USH2A: variants seen among roughly 807,000 people sequenced by gnomAD.
USH2A encodes the protein Usher syndrome 2A (autosomal recessive, mild).
USH2A carries 443 observed loss-of-function variants against 538.9 expected under a neutral mutation model. The ratio of observed to expected loss-of-function variants is 0.82; its 90% CI spans 0.76 to 0.89. The LOEUF (loss-of-function observed/expected upper bound fraction) is 0.89. USH2A is among the 40% of genes least tolerant of loss of function. The pLI is 0.00. For missense variants in USH2A, 6,633 were observed against 6,324.8 expected (o/e 1.05, Z -1.65); for synonymous variants, 2,413 against 2,273.5 (o/e 1.06, Z -1.75).
At chr1:215,671,496 C>A (rs887447500) in intron 63 of USH2A, among the ~76,000 whole-genome samples, 3 of 152,050 alleles carry the variant, frequency 2.0e-5, no homozygotes, top group African/African-American at 7.2e-5. Flanking sequence ...CCACTGCACT[C>A]CCGCCTGGGT....
intron 21 of USH2A, among the ~76,000 whole-genome samples, chr1:216,153,177 CT>C (rs1434121709): frequency 6.6e-6 from 1 of 152,172 alleles, no homozygotes; most frequent in Non-Finnish European, 1.5e-5. Flanking sequence ...TAACCTGATT[CT>C]TCTTGGACAC....
At chr1:215,914,301 C>A (rs1161248167) in intron 38 of USH2A, among the ~76,000 whole-genome samples, 2 of 151,754 alleles carry the variant, frequency 1.3e-5, no homozygotes, top group Non-Finnish European at 2.9e-5. Flanking sequence ...TTAAAAAGTT[C>A]TTTTTTGTTG....
chr1:215,749,358 G>A (rs1660562859), intron 58 of USH2A, among the ~76,000 whole-genome samples: 1 of 152,134 alleles, frequency 6.6e-6, no homozygotes, highest in African/African-American at 2.4e-5. Flanking sequence ...GCCAAACCAT[G>A]AGCATAGAAA....
chr1:215,881,865 A>C (rs1664919630), intron 41 of USH2A, among the ~76,000 whole-genome samples: 1 of 152,192 alleles, frequency 6.6e-6, no homozygotes, highest in African/African-American at 2.4e-5. Flanking sequence ...TAGGACGGCT[A>C]AATTGCCGGT....
chr1:215,783,053 G>T (rs557765773), intron 52 of USH2A, 118 bp from the exon 53 acceptor site: 7 of 863,398 alleles, frequency 8.1e-6, no homozygotes, highest in Non-Finnish European at 1.0e-5. Context: ...TGCTCTAAAC[G>T]CTTTGTATAT....
chr1:216,213,031 A>G (rs1331865084), intron 15 of USH2A, among the ~76,000 whole-genome samples: 1 of 152,134 alleles, frequency 6.6e-6, no homozygotes, highest in Non-Finnish European at 1.5e-5. Flanking sequence ...TTGCGCAATT[A>G]TACTATAGGT....
chr1:216,141,019 A>G (rs1571993927), intron 21 of USH2A, among the ~76,000 whole-genome samples: 4 of 152,168 alleles, frequency 2.6e-5, no homozygotes, highest in African/African-American at 9.7e-5. Context: ...ACTTCTTTGC[A>G]TTTTAAACTT....
chr1:215,864,758 A>G (rs1664427199), intron 44 of USH2A, among the ~76,000 whole-genome samples: 1 of 152,194 alleles, frequency 6.6e-6, no homozygotes, highest in Non-Finnish European at 1.5e-5. Flanking sequence ...AATGAACTGA[A>G]GTAACACAGG....
chr1:215,683,904 C>T (rs1168036471), intron 61 of USH2A, among the ~76,000 whole-genome samples: 1 of 152,150 alleles, frequency 6.6e-6, no homozygotes, highest in Middle Eastern at 3.2e-3. Context: ...CCACCTTGCA[C>T]TTGCTTCTGT....
At chr1:216,371,407 T>C (rs963433061) in intron 3 of USH2A, among the ~76,000 whole-genome samples, 1 of 152,230 alleles carries the variant, frequency 6.6e-6, no homozygotes, top group Non-Finnish European at 1.5e-5. Flanking sequence ...TGGTACAGGA[T>C]TGTCACCTTA....
At chr1:215,864,258 G>T (rs2102437942) in intron 44 of USH2A, among the ~76,000 whole-genome samples, 1 of 152,238 alleles carries the variant, frequency 6.6e-6, no homozygotes, top group African/African-American at 2.4e-5. Context: ...TTGGGAACTG[G>T]TACTTTCTAT....
At chr1:215,836,546 T>TA (rs1663531351) in intron 47 of USH2A, among the ~76,000 whole-genome samples, 1 of 17,442 alleles carries the variant, frequency 5.7e-5, no homozygotes, top group African/African-American at 2.1e-4. Context: ...ATATATAATA[T>TA]ATATATATAT....
intron 32 of USH2A, among the ~76,000 whole-genome samples, chr1:216,035,901 C>G (rs1011039545): frequency 6.6e-6 from 1 of 151,970 alleles, no homozygotes; most frequent in African/African-American, 2.4e-5. Context: ...ATAACTGTAA[C>G]CAATGCACTT....
intron 37 of USH2A, among the ~76,000 whole-genome samples, chr1:215,957,375 C>A (rs760473004): frequency 2.0e-4 from 31 of 152,062 alleles, no homozygotes; most frequent in Non-Finnish European, 3.4e-4. Context: ...TCTTCTAAGT[C>A]TCTAAAATAA....
In USH2A at chr1:216,091,825, AT is replaced by A. The variant is rs1209262877; in HGVS notation, c.4759-2687del. Among the ~76,000 whole-genome samples, 7 of 152,312 alleles carry A rather than the reference AT, an allele frequency of 4.6e-5. No individual in the cohort carries two copies. The East Asian group carries it at 1.4e-3, about 29-fold the overall frequency. On this transcript the variant is annotated intron_variant, in intron 22 of 71. Transcript: ENST00000307340. Reference sequence around the variant, plus strand: ...TTCAAAATTTGGCTATTTTGAATGAATTCAGTAAAAACAATTTAAAAATAAG... The same window carrying A: ...TTCAAAATTTGGCTATTTTGAATGAATCAGTAAAAACAATTTAAAAATAAG...
At chr1:215,637,867 T>C (rs1172667801) in intron 69 of USH2A, among the ~76,000 whole-genome samples, 1 of 152,162 alleles carries the variant, frequency 6.6e-6, no homozygotes, top group Non-Finnish European at 1.5e-5. Flanking sequence ...TGATATATCA[T>C]TAATTACTGG....
chr1:215,877,085 T>C (rs1664791266), intron 43 of USH2A, among the ~76,000 whole-genome samples: 1 of 152,202 alleles, frequency 6.6e-6, no homozygotes, highest in South Asian at 2.1e-4. Flanking sequence ...TTTAATTCTA[T>C]AAAATCACCT....
At chr1:215,674,062 G>T in intron 63 of USH2A, 38 bp downstream of exon 63, 1 of 1,613,612 alleles carries the variant, frequency 6.2e-7, no homozygotes, top group Non-Finnish European at 8.5e-7. Context: ...AAGGTCAGCA[G>T]TGGCTTACTC....
At chr1:215,902,166 TGAA>T (rs1364442145) in intron 38 of USH2A, among the ~76,000 whole-genome samples, 7 of 152,130 alleles carry the variant, frequency 4.6e-5, no homozygotes, top group African/African-American at 1.7e-4. Context: ...AGGCCATTGG[TGAA>T]GAAGGAGAAG....
Sources: allele counts gnomAD v4.1 joint callset (sites outside exome capture counted in the v4.1 genomes callset), GRCh38; gene constraint gnomAD v4.1.1; transcripts MANE v1.5; gene names NCBI Gene and HGNC (gene_info 2026-07-23, HGNC 2026-07-21).